GLIS1: variants seen among roughly 807,000 people sequenced by gnomAD.
GLIS1 encodes the protein GLIS family zinc finger 1, also known as zinc finger protein GLIS1.
In GLIS1, 24 loss-of-function variants were observed where a neutral mutation model predicts 63.8. That is an observed-to-expected ratio of 0.38 (90% CI 0.27 to 0.53). The LOEUF is 0.53. Ranked by LOEUF, GLIS1 falls within the 20% of genes least tolerant of loss-of-function variation. The probability of loss-of-function intolerance (pLI) is 0.85; values close to 1 mark genes in which losing one functional copy is unlikely to be tolerated. For missense variants in GLIS1, 1,036 were observed against 1,074.1 expected, an observed-to-expected ratio of 0.96 and a Z score of 0.50; for synonymous variants, 450 against 482.5, an observed-to-expected ratio of 0.93 and a Z score of 0.88.
chr1:53,643,475 G>A (rs1465397424), intron 2 of GLIS1, among the ~76,000 whole-genome samples: 1 of 152,204 alleles, frequency 6.6e-6, no homozygotes, highest in Non-Finnish European at 1.5e-5. Context: ...TGCACAGACA[G>A]TGTGGCCTTC....
At chr1:53,518,280 G>T (rs1200561729) in intron 7 of GLIS1, among the ~76,000 whole-genome samples, 1 of 152,182 alleles carries the variant, frequency 6.6e-6, no homozygotes, top group Admixed American at 6.5e-5. Flanking sequence ...TGCGGGCTCT[G>T]GTTAAGAAGA....
intron 2 of GLIS1, among the ~76,000 whole-genome samples, chr1:53,670,990 T>A (rs1335995021): frequency 6.6e-6 from 1 of 152,216 alleles, no homozygotes. Flanking sequence ...TTTGAGAGGA[T>A]GTGGCACACG....
At chr1:53,617,782 C>A (rs1645498092) in intron 2 of GLIS1, among the ~76,000 whole-genome samples, 1 of 152,190 alleles carries the variant, frequency 6.6e-6, no homozygotes, top group Admixed American at 6.5e-5. Context: ...GCAAAGGAGG[C>A]AGTTCAAAGA....
At chr1:53,666,926 C>A (rs1570015171) in intron 2 of GLIS1, among the ~76,000 whole-genome samples, 1 of 152,222 alleles carries the variant, frequency 6.6e-6, no homozygotes, top group Admixed American at 6.5e-5. Context: ...GATGACCCTG[C>A]AGCTGTTTCA....
At chr1:53,597,077 T>C (rs1645263000) in intron 3 of GLIS1, among the ~76,000 whole-genome samples, 1 of 147,936 alleles carries the variant, frequency 6.8e-6, no homozygotes, top group South Asian at 2.1e-4. Flanking sequence ...GAACTAGTTA[T>C]GTAGCCTCTC....
chr1:53,530,291 G>A (rs1292910595), intron 4 of GLIS1, among the ~76,000 whole-genome samples: 1 of 152,224 alleles, frequency 6.6e-6, no homozygotes, highest in Non-Finnish European at 1.5e-5. Context: ...CCCGAATCAG[G>A]GCAGGGGTGT....
intron 2 of GLIS1, among the ~76,000 whole-genome samples, chr1:53,706,198 G>A (rs924693223): frequency 6.6e-6 from 1 of 152,210 alleles, no homozygotes; most frequent in African/African-American, 2.4e-5. Context: ...CAAAGACAGT[G>A]AATGACAGAG....
At chr1:53,690,522 C>A (rs1246648331) in intron 2 of GLIS1, among the ~76,000 whole-genome samples, 1 of 152,254 alleles carries the variant, frequency 6.6e-6, no homozygotes, top group African/African-American at 2.4e-5. Context: ...CTCTTGGCTT[C>A]AACGTCTGCA....
intron 3 of GLIS1, among the ~76,000 whole-genome samples, chr1:53,597,120 G>A (rs1386319184): frequency 6.9e-6 from 1 of 144,984 alleles, no homozygotes; most frequent in Non-Finnish European, 1.5e-5. Context: ...CGGCAGTTGG[G>A]GGTTGAGAGC....
intron 2 of GLIS1, among the ~76,000 whole-genome samples, chr1:53,734,668 C>A (rs1379733884): frequency 6.6e-6 from 1 of 152,208 alleles, no homozygotes; most frequent in Non-Finnish European, 1.5e-5. Context: ...CAGGCAGAGC[C>A]CAGCTGGCGT....
intron 2 of GLIS1, among the ~76,000 whole-genome samples, chr1:53,675,777 G>T (rs979866080): frequency 6.6e-5 from 10 of 152,108 alleles, no homozygotes; most frequent in African/African-American, 2.4e-4. Context: ...TCGAACACAG[G>T]TCTTCTGGCT....
rs1475785555 is a variant in GLIS1, at chr1:53,646,635, C to A, written c.260-46357G>T. Among the ~76,000 whole-genome samples the A allele has an allele frequency of 6.6e-6, 1 of 152,030 alleles. No homozygotes were observed. The highest frequency in any genetic ancestry group is 1.5e-5 in the Non-Finnish European group (1 of 68,010). On this transcript the variant is annotated intron_variant, in intron 2 of 10. Coordinates refer to ENST00000628545, the MANE Select transcript of GLIS1 (RefSeq NM_001367484.1). This position sits in a 1 kb window ranked among gnomAD's most constrained non-coding sequence, Gnocchi z 4.2. ...GACCAGCCTGGCCAACATGGTAAAA[C>A]CCCGTCTTGACTAAAAATACAAAAC...
At chr1:53,653,065 G>A (rs1645925803) in intron 2 of GLIS1, among the ~76,000 whole-genome samples, 1 of 152,204 alleles carries the variant, frequency 6.6e-6, no homozygotes, top group Non-Finnish European at 1.5e-5. Flanking sequence ...TTCTGATGGT[G>A]CATCTCCTGT....
intron 7 of GLIS1, among the ~76,000 whole-genome samples, chr1:53,515,582 G>A (rs499749): frequency 7.2e-5 from 11 of 151,822 alleles, no homozygotes; most frequent in African/African-American, 1.2e-4. Context: ...TTTTACCCCC[G>A]AAAGTCTTAC....
At chr1:53,698,483 T>C (rs11206195) in intron 2 of GLIS1, among the ~76,000 whole-genome samples, 39,309 of 152,148 alleles carry the variant, frequency 0.26, 5,562 homozygotes, top group African/African-American at 0.38. Flanking sequence ...CTGGCTGCCC[T>C]GCCTAGTCAG....
intron 2 of GLIS1, among the ~76,000 whole-genome samples, chr1:53,618,996 C>G (rs1422475130): frequency 6.6e-6 from 1 of 152,228 alleles, no homozygotes; most frequent in Non-Finnish European, 1.5e-5. Context: ...ACTGGAGATG[C>G]CTCTAAATGT....
At chr1:53,733,864 C>G in intron 2 of GLIS1, 1 of 962,420 alleles carries the variant, frequency 1.0e-6, no homozygotes, top group South Asian at 4.8e-5. Flanking sequence ...AATTGCCCAC[C>G]GGAGCCGGAG....
At chr1:53,657,116 G>T (rs1235035172) in intron 2 of GLIS1, among the ~76,000 whole-genome samples, 6 of 152,200 alleles carry the variant, frequency 3.9e-5, no homozygotes, top group African/African-American at 1.4e-4. Context: ...TAATGCACCG[G>T]GGGCCTTTTA....
chr1:53,642,735 T>C (rs925894916), intron 2 of GLIS1, among the ~76,000 whole-genome samples: 1 of 152,140 alleles, frequency 6.6e-6, no homozygotes, highest in Non-Finnish European at 1.5e-5. Flanking sequence ...CCCTTCCCAC[T>C]GCAGTTTTAA....
Sources: allele counts gnomAD v4.1 joint callset (sites outside exome capture counted in the v4.1 genomes callset), GRCh38; gene constraint gnomAD v4.1.1; non-coding constraint Gnocchi (gnomAD v3.1); transcripts MANE v1.5; gene names NCBI Gene and HGNC (gene_info 2026-07-23, HGNC 2026-07-21).